Variants in CENPQ observed in about 807,000 individuals in gnomAD.
The protein encoded by CENPQ is chromosome 6 open reading frame 139.
Under a neutral mutation model 36.6 loss-of-function variants are expected in CENPQ, and 27 were observed. The observed-to-expected ratio is 0.74, with a 90% confidence interval of 0.54 to 1.02. CENPQ has a LOEUF of 1.02. Ranked by LOEUF, CENPQ falls within the 50% of genes least tolerant of loss-of-function variation. CENPQ has a pLI of 0.00. For missense variants in CENPQ, 306 were observed against 301.8 expected (o/e 1.01, Z -0.10); for synonymous variants, 101 against 101.7 (o/e 0.99, Z 0.04).
At chr6:49,469,012 T>C (rs892434245) in intron 1 of CENPQ, among the ~76,000 whole-genome samples, 4 of 152,176 alleles carry the variant, frequency 2.6e-5, no homozygotes, top group African/African-American at 9.6e-5. Context: ...GAGTGTTTGG[T>C]AAGGTATCAC....
chr6:49,472,147 G>A lies in CENPQ; in HGVS notation c.242G>A (p.Arg81Lys), dbSNP rs750214798. 2 of 1,612,400 alleles carry A rather than the reference G, an allele frequency of 1.2e-6. No homozygotes were observed. Among genetic ancestry groups the A allele is most frequent in the South Asian group, 2.2e-5 (2 of 90,732 alleles). ...KTWQPLSKSTRDHLQTMMESV... is the reference protein window; with the variant it reads ...KTWQPLSKSTKDHLQTMMESV... Reference sequence around the variant, plus strand: ...TGGCAACCTCTGTCAAAGAGTACCAGAGACCATTTGCAAACTATGATGGAA... The same window carrying A: ...TGGCAACCTCTGTCAAAGAGTACCAAAGACCATTTGCAAACTATGATGGAA... Residue 81 changes from arginine to lysine, a missense_variant, in exon 4 of 9, where the codon AGA (arginine) becomes AAA (lysine). By Grantham distance (26) the Arg-to-Lys change is conservative (BLOSUM62 2). Coordinates refer to ENST00000335783, the MANE Select transcript of CENPQ (RefSeq NM_018132.4).
At chr6:49,470,801 T>C (rs1768113956) in intron 2 of CENPQ, among the ~76,000 whole-genome samples, 173 bp from the exon 3 acceptor site, 1 of 152,206 alleles carries the variant, frequency 6.6e-6, no homozygotes, top group African/African-American at 2.4e-5. Flanking sequence ...TAGTATGTCC[T>C]CTCTGTGATA....
At chr6:49,464,891 C>G (rs2127422357) in intron 1 of CENPQ, among the ~76,000 whole-genome samples, 1 of 152,302 alleles carries the variant, frequency 6.6e-6, no homozygotes, top group South Asian at 2.1e-4. Context: ...TTCCAGACTC[C>G]TGTTAATGTT....
chr6:49,469,376 A>G (rs1225142685), intron 1 of CENPQ, among the ~76,000 whole-genome samples: 2 of 152,214 alleles, frequency 1.3e-5, no homozygotes, highest in South Asian at 2.1e-4. Context: ...GTGCATATAC[A>G]TATTTCCTTG....
intron 6 of CENPQ, among the ~76,000 whole-genome samples, chr6:49,484,595 TC>T: frequency 6.6e-6 from 1 of 152,232 alleles, no homozygotes; most frequent in Non-Finnish European, 1.5e-5. Flanking sequence ...GGTAGTAGTT[TC>T]TGAAGGAATA....
Position 49,492,410 on chromosome 6 carries a change from A to C in CENPQ, c.*135A>C. 1 of 742,400 alleles carries C rather than the reference A, an allele frequency of 1.3e-6. No individual in the cohort carries two copies. The highest frequency in any genetic ancestry group is 3.6e-5 in the Admixed American group (1 of 27,676). 46.0% of individuals were successfully genotyped at this position (742,400 alleles called of 1,614,324 possible). ...ATCTCCTGATATGCACTTTAAAATT[A>C]GTCTTTGTAGTTCTATCATTAGCAT... On this transcript the variant is annotated 3_prime_UTR_variant, in exon 9 of 9. Coordinates refer to ENST00000335783, the MANE Select transcript of CENPQ (RefSeq NM_018132.4).
chr6:49,491,979 G>A (rs1469805408), intron 8 of CENPQ, among the ~76,000 whole-genome samples, 165 bp from the exon 9 acceptor site: 6 of 152,150 alleles, frequency 3.9e-5, no homozygotes, highest in Non-Finnish European at 8.8e-5. Flanking sequence ...GGAGCAGGAT[G>A]GGGAGAGGGA....
intron 5 of CENPQ, among the ~76,000 whole-genome samples, chr6:49,479,662 CA>C (rs377458447): frequency 7.8e-4 from 118 of 152,244 alleles, no homozygotes; most frequent in African/African-American, 2.7e-3. Context: ...GTTATAAAGA[CA>C]CATGCACACT....
chr6:49,470,900 T>C, intron 2 of CENPQ, 74 bp from the exon 3 acceptor site: 1 of 797,348 alleles, frequency 1.3e-6, no homozygotes, highest in East Asian at 2.8e-5. Flanking sequence ...TATATAAAAA[T>C]CTATTGTAAA....
At chr6:49,470,740 C>G (rs542171548) in intron 2 of CENPQ, among the ~76,000 whole-genome samples, 1 of 150,326 alleles carries the variant, frequency 6.7e-6, no homozygotes, top group Non-Finnish European at 1.5e-5. Flanking sequence ...TTAAAACATT[C>G]TTTGACACTG....
chr6:49,475,520 G>C (rs1274870438), intron 5 of CENPQ, among the ~76,000 whole-genome samples: 1 of 152,166 alleles, frequency 6.6e-6, no homozygotes, highest in Non-Finnish European at 1.5e-5. Flanking sequence ...GCACAAGACA[G>C]GGATGCCCTC....
intron 5 of CENPQ, among the ~76,000 whole-genome samples, chr6:49,478,616 C>G (rs987545947): frequency 1.3e-5 from 2 of 152,098 alleles, no homozygotes; most frequent in Non-Finnish European, 2.9e-5. Flanking sequence ...ATTCTTACCC[C>G]TTAGCTTCAG....
Position 49,481,071 on chromosome 6 carries a change from A to G in CENPQ, c.468A>G (p.Ala156=). ...ACAAAGCTAATGAAGAAGGTCTGGCATTACTACAGGTATGAAATTTGAATA... is the reference window on the plus strand; with the variant it reads ...ACAAAGCTAATGAAGAAGGTCTGGCGTTACTACAGGTATGAAATTTGAATA... The part of the protein sequence containing the change: ...ARDKANEEGL[A]LLQEEIDKMV... Residue 156 remains alanine (A), a synonymous_variant, in exon 6 of 9, where the codon GCA becomes GCG. Transcript: ENST00000335783. 2 of 1,604,868 alleles carry G rather than the reference A, an allele frequency of 1.2e-6. No individual in the cohort carries two copies. The highest frequency in any genetic ancestry group is 1.7e-6 in the Non-Finnish European group (2 of 1,177,332).
chr6:49,470,566 G>T lies in CENPQ; in HGVS notation c.102+288G>T, dbSNP rs188171653. Among the ~76,000 whole-genome samples the T allele has an allele frequency of 5.9e-3, 819 of 138,558 alleles. 8 individuals carry two copies. Among genetic ancestry groups the T allele is most frequent in the African/African-American group, 0.021 (784 of 37,382 alleles). 90.9% of individuals were successfully genotyped at this position (138,558 alleles called of 152,430 possible). A position where few individuals can be genotyped will look rare whatever the true frequency, so the allele number is the denominator to read the frequency against. ...GAACCCGGGAGGCAGAGGTTGCAGT[G>T]AACCGAGTTTGTGCCACTGCACTCC... is the stretch of plus-strand genomic sequence containing the variant. On this transcript the variant is annotated intron_variant, in intron 2 of 8. Transcript: ENST00000335783.
At chr6:49,488,782 A>C (rs912929311) in intron 8 of CENPQ, 98 bp downstream of exon 8, 7 of 903,262 alleles carry the variant, frequency 7.7e-6, no homozygotes, top group Non-Finnish European at 1.3e-5. Context: ...GCAATAACGC[A>C]AGTCACACAA....
intron 5 of CENPQ, among the ~76,000 whole-genome samples, chr6:49,479,592 A>G (rs1768382083): frequency 6.6e-6 from 1 of 152,224 alleles, no homozygotes; most frequent in African/African-American, 2.4e-5. Flanking sequence ...AACTTAAAAC[A>G]GAACTACCAT....
intron 8 of CENPQ, among the ~76,000 whole-genome samples, chr6:49,491,120 A>C (rs1274973223): frequency 6.6e-6 from 1 of 152,232 alleles, no homozygotes; most frequent in Non-Finnish European, 1.5e-5. Flanking sequence ...CGGTAAAATG[A>C]GGCATCCTGG....
chr6:49,472,683 C>T (rs1426167045), intron 4 of CENPQ, 107 bp from the exon 5 acceptor site: 5 of 817,494 alleles, frequency 6.1e-6, no homozygotes, highest in South Asian at 8.4e-5. Context: ...TTGATTTTGC[C>T]TGGCTAGTGG....
rs763391142 is a variant in CENPQ at position 49,472,195 on chromosome 6, A to G, written c.278+12A>G. ...GAATCAGTAATAATGTGAGTATAAA[A>G]TTGTTCCATTTCATTCTTTTGGTTC... On this transcript the variant is annotated intron_variant, in intron 4 of 8. Transcript: ENST00000335783. The G allele has an allele frequency of 2.5e-6, 4 of 1,585,004 alleles. No individual in the cohort carries two copies. The highest frequency in any genetic ancestry group is 3.4e-6 in the Non-Finnish European group (4 of 1,166,734).
Sources: gnomAD v4.1 joint callset for allele counts (sites outside exome capture counted in the v4.1 genomes callset) on GRCh38, gnomAD v4.1.1 for gene constraint, MANE v1.5 for transcripts, NCBI Gene and HGNC (gene_info 2026-07-23, HGNC 2026-07-21) for gene names.